The following SORD variants were observed in gnomAD, a reference collection of about 807,000 sequenced individuals.
SORD encodes (R,R)-butanediol dehydrogenase.
SORD carries 18 observed loss-of-function variants against 35.6 expected under a neutral mutation model. That is an observed-to-expected ratio of 0.51 (90% CI 0.35 to 0.75). The LOEUF (loss-of-function observed/expected upper bound fraction) is 0.75. Ranked by LOEUF, SORD falls within the 30% of genes least tolerant of loss-of-function variation. The probability of loss-of-function intolerance (pLI) is 0.01; values close to 1 mark genes in which losing one functional copy is unlikely to be tolerated. For synonymous variants in SORD, 106 were observed against 152.9 expected (o/e 0.69, Z 2.26); for missense variants, 250 against 390.2 (o/e 0.64, Z 3.03).
At position 45,035,465 on chromosome 15, in the gene SORD, G is replaced by GT. The variant is rs1162109233; in HGVS notation, c.67-4943_67-4942insT. 2.0e-5 allele frequency among the ~76,000 whole-genome samples: 3 copies of GT among 151,954 alleles called. No individual in the cohort carries two copies. The East Asian group carries it at 5.8e-4, about 29-fold the overall frequency. On this transcript the variant is annotated intron_variant, in intron 1 of 8. Transcript: ENST00000267814. Reference sequence around the variant, plus strand: ...TCCACACTCTGTATCTAGCTAATCTGGGGGGGAGGTGGAAAACCTTTGTGT... The same window carrying GT: ...TCCACACTCTGTATCTAGCTAATCTGTGGGGGGAGGTGGAAAACCTTTGTGT...
At chr15:45,047,083 G>A (rs1893056875) in intron 3 of SORD, 2 of 151,732 alleles carry the variant, frequency 1.3e-5, no homozygotes, top group Admixed American at 6.6e-5. Flanking sequence ...TCTAAGGCAT[G>A]GAAGCATTCC....
At chr15:45,049,088 G>A (rs1242141082) in intron 3 of SORD, among the ~76,000 whole-genome samples, 2 of 152,192 alleles carry the variant, frequency 1.3e-5, no homozygotes, top group Non-Finnish European at 2.9e-5. Flanking sequence ...GGAGCCCACT[G>A]ATTACCCGAA....
Position 45,036,208 on chromosome 15 carries a change from G to C in SORD, c.67-4200G>C, listed in dbSNP as rs1892863181. The C allele has an allele frequency of 2.8e-5, 11 of 393,484 alleles. 1 individual carries two copies. The highest frequency in any genetic ancestry group is 4.8e-4 in the Middle Eastern group (1 of 2,098). 24.4% of individuals were successfully genotyped at this position (393,484 alleles called of 1,614,324 possible). A position where few individuals can be genotyped will look rare whatever the true frequency, so the allele number is the denominator to read the frequency against. On this transcript the variant is annotated intron_variant, in intron 1 of 8. Coordinates refer to ENST00000267814, the MANE Select transcript of SORD (RefSeq NM_003104.6). The stretch of plus-strand genomic sequence containing the variant: ...TTAGGAACTGTAACACTCAATGCGA[G>C]GGTCCGCAGCTTCATTGTTGAAGTC...
intron 3 of SORD, among the ~76,000 whole-genome samples, chr15:45,054,066 C>T (rs1424523843): frequency 1.3e-5 from 2 of 149,274 alleles, no homozygotes; most frequent in African/African-American, 4.9e-5. Context: ...TGGGTTGGTT[C>T]CAAGTCTTTG....
At chr15:45,024,144 A>C (rs11634176) in intron 1 of SORD, among the ~76,000 whole-genome samples, 4,037 of 152,270 alleles carry the variant, frequency 0.027, 62 homozygotes, top group African/African-American at 0.049. Flanking sequence ...CTGAGTCAGC[A>C]GCCTAGTCAT....
intron 7 of SORD, among the ~76,000 whole-genome samples, chr15:45,069,347 C>A (rs10152499): frequency 6.6e-6 from 1 of 151,450 alleles, no homozygotes; most frequent in African/African-American, 2.4e-5. Context: ...GCTGGGACTA[C>A]GGGCGCCTGC....
chr15:45,044,973 C>T (rs1186233153), intron 3 of SORD, among the ~76,000 whole-genome samples: 3 of 152,078 alleles, frequency 2.0e-5, no homozygotes, highest in Non-Finnish European at 2.9e-5. Context: ...GCTGTGATTA[C>T]GGGCCTGAGC....
Position 45,074,271 on chromosome 15 carries a change from C to A in SORD, c.*741C>A, listed in dbSNP as rs1384639929. ...TTATTTCACTTGCCAAGTGAAGGAC[C>A]CCCTCCCCAACATGCCCCAGCCCAC... is the stretch of plus-strand genomic sequence containing the variant. On this transcript the variant is annotated 3_prime_UTR_variant, in exon 9 of 9. Coordinates refer to ENST00000267814, the MANE Select transcript of SORD (RefSeq NM_003104.6). 4 of 147,524 alleles carry A rather than the reference C, an allele frequency of 2.7e-5. No individual in the cohort carries two copies. Among genetic ancestry groups the A allele is most frequent in the African/African-American group, 1.1e-4 (4 of 37,920 alleles). 9.1% of individuals were successfully genotyped at this position (147,524 alleles called of 1,614,324 possible).
At chr15:45,057,604 G>A (rs1893238012) in intron 3 of SORD, among the ~76,000 whole-genome samples, 1 of 152,150 alleles carries the variant, frequency 6.6e-6, no homozygotes, top group Admixed American at 6.5e-5. Context: ...CTAACATGGT[G>A]AAACCCCGTC....
intron 1 of SORD, among the ~76,000 whole-genome samples, chr15:45,025,707 G>C (rs1424036158): frequency 1.3e-5 from 2 of 152,044 alleles, no homozygotes; most frequent in East Asian, 3.9e-4. Context: ...GGGGTCTGGA[G>C]TGCAGGGATA....
At chr15:45,038,536 A>G (rs1016335102) in intron 1 of SORD, among the ~76,000 whole-genome samples, 1 of 152,192 alleles carries the variant, frequency 6.6e-6, no homozygotes, top group Non-Finnish European at 1.5e-5. Context: ...AAGGGCTCGT[A>G]ACTTGACATA....
At chr15:45,041,668 G>C (rs1453162151) in intron 2 of SORD, 12 of 152,206 alleles carry the variant, frequency 7.9e-5, no homozygotes, top group Admixed American at 7.9e-4. Flanking sequence ...AGAAGTGAAA[G>C]AGTTACCTCA....
At chr15:45,026,034 G>A (rs542121758) in intron 1 of SORD, among the ~76,000 whole-genome samples, 2 of 152,276 alleles carry the variant, frequency 1.3e-5, no homozygotes, top group East Asian at 3.9e-4. Context: ...AGGGGAAAGG[G>A]CAGAAAGAGT....
intron 3 of SORD, among the ~76,000 whole-genome samples, chr15:45,047,668 A>G (rs2470684): frequency 2.0e-5 from 3 of 152,210 alleles, no homozygotes; most frequent in East Asian, 1.9e-4. Context: ...GAGTCTATCC[A>G]TCAGACCTTT....
chr15:45,024,893 G>C (rs1892646340), intron 1 of SORD, among the ~76,000 whole-genome samples: 1 of 152,018 alleles, frequency 6.6e-6, no homozygotes, highest in East Asian at 1.9e-4. Context: ...GACGCCACAG[G>C]GAGGGGCCCT....
At chr15:45,028,888 G>GTATAA (rs1264275517) in intron 1 of SORD, among the ~76,000 whole-genome samples, 1 of 152,272 alleles carries the variant, frequency 6.6e-6, no homozygotes, top group Non-Finnish European at 1.5e-5. Flanking sequence ...GAAGCGGATG[G>GTATAA]TATAATGAGA....
chr15:45,034,004 C>T (rs149798385), intron 1 of SORD, among the ~76,000 whole-genome samples: 4,341 of 150,832 alleles, frequency 0.029, no homozygotes, highest in African/African-American at 0.1. Flanking sequence ...TCTCTTGGGG[C>T]GCTGTGCAGG....
At chr15:45,047,835 T>C (rs1893068585) in intron 3 of SORD, among the ~76,000 whole-genome samples, 3 of 152,206 alleles carry the variant, frequency 2.0e-5, no homozygotes, top group Non-Finnish European at 2.9e-5. Context: ...GTGGAGTTAG[T>C]GTCTGGGCTC....
At position 45,031,311 on chromosome 15, in the gene SORD, AAACAACAACAACGAC is replaced by A. The variant is rs763786131; in HGVS notation, c.66+7965_66+7979del. 5.7e-5 allele frequency among the ~76,000 whole-genome samples: 5 copies of A among 88,310 alleles called. No individual in the cohort carries two copies. The African/African-American group carries it at 1.1e-3, about 19-fold the overall frequency. The allele number at this position is 88,310 out of a possible 152,430, so 57.9% of individuals were successfully genotyped here. Reference sequence around the variant, plus strand: ...CTACAGAATGAGAACCCATCTCTTAAAACAACAACAACGACAAAAAAAAAAAAACAACAGGGAATG... The same window carrying A: ...CTACAGAATGAGAACCCATCTCTTAAAAAAAAAAAAAAACAACAGGGAATG... On this transcript the variant is annotated intron_variant, in intron 1 of 8. Transcript: ENST00000267814.
Sources: gnomAD v4.1 joint callset for allele counts (sites outside exome capture counted in the v4.1 genomes callset) on GRCh38, gnomAD v4.1.1 for gene constraint, MANE v1.5 for transcripts, NCBI Gene and HGNC (gene_info 2026-07-23, HGNC 2026-07-21) for gene names.